LIN28B: variants seen among roughly 807,000 people sequenced by gnomAD.
LIN28B encodes the protein lin-28 RNA binding posttranscriptional regulator B, also known as protein lin-28 homolog B.
LIN28B carries 5 observed loss-of-function variants against 21.9 expected under a neutral mutation model. The ratio of observed to expected loss-of-function variants is 0.23; its 90% CI spans 0.12 to 0.48. The LOEUF is 0.48. Ranked by LOEUF, LIN28B falls within the 20% of genes least tolerant of loss-of-function variation. LIN28B has a pLI of 0.98. For missense variants in LIN28B, 245 were observed against 310.5 expected (o/e 0.79, Z 1.58); for synonymous variants, 109 against 111.3 (o/e 0.98, Z 0.13).
intron 2 of LIN28B, among the ~76,000 whole-genome samples, chr6:104,968,249 T>G (rs554211911): frequency 1.3e-5 from 2 of 152,342 alleles, no homozygotes; most frequent in East Asian, 3.9e-4. Context: ...CTGTGTTGTA[T>G]TCACTTCCTT....
intron 2 of LIN28B, among the ~76,000 whole-genome samples, chr6:104,964,845 C>T (rs1310762320): frequency 1.3e-5 from 2 of 152,094 alleles, no homozygotes; most frequent in Non-Finnish European, 2.9e-5. Flanking sequence ...TTTCCAATAT[C>T]TAAATATTTG....
chr6:105,072,265 TTCA>T (rs1772346467), intron 3 of LIN28B, among the ~76,000 whole-genome samples: 1 of 152,160 alleles, frequency 6.6e-6, no homozygotes, highest in South Asian at 2.1e-4. Flanking sequence ...TCTAAATTTC[TTCA>T]TCAATACAAT....
chr6:104,996,797 A>G (rs893627846), intron 2 of LIN28B, among the ~76,000 whole-genome samples: 2 of 152,134 alleles, frequency 1.3e-5, no homozygotes, highest in African/African-American at 4.8e-5. Flanking sequence ...CTATAAGTCT[A>G]TTTCAAATAA....
At chr6:105,005,070 A>G (rs1770791776) in intron 2 of LIN28B, among the ~76,000 whole-genome samples, 2 of 152,154 alleles carry the variant, frequency 1.3e-5, no homozygotes, top group Admixed American at 6.5e-5. Context: ...TAAAGACTCC[A>G]TTGGTCTGAT....
chr6:105,033,433 TTTAA>T (rs563065248), intron 3 of LIN28B, among the ~76,000 whole-genome samples: 124 of 152,170 alleles, frequency 8.1e-4, no homozygotes, highest in African/African-American at 2.8e-3. Context: ...AAGATTCCAC[TTTAA>T]TTATTAGTAG....
chr6:104,976,393 A>G (rs1249072560), intron 2 of LIN28B, among the ~76,000 whole-genome samples: 1 of 152,202 alleles, frequency 6.6e-6, no homozygotes, highest in Admixed American at 6.5e-5. Context: ...ATAAACAAGG[A>G]AAAGAGCATT....
intron 2 of LIN28B, among the ~76,000 whole-genome samples, chr6:104,948,462 C>T (rs747839667): frequency 5.9e-5 from 9 of 151,744 alleles, no homozygotes; most frequent in Non-Finnish European, 5.9e-5. Context: ...AGCAAAACTC[C>T]GTCTAAAAAA....
intron 2 of LIN28B, among the ~76,000 whole-genome samples, chr6:104,990,422 T>C (rs181734174): frequency 3.9e-5 from 6 of 152,162 alleles, no homozygotes; most frequent in Admixed American, 3.9e-4. Context: ...TGGCTGTCTT[T>C]GGATGAGTGT....
intron 3 of LIN28B, among the ~76,000 whole-genome samples, chr6:105,027,153 T>G (rs1012783619): frequency 2.6e-5 from 4 of 152,084 alleles, no homozygotes; most frequent in African/African-American, 9.7e-5. Flanking sequence ...TTTTGAAAAG[T>G]TGTCTGATTA....
chr6:105,036,075 T>C (rs540290112), intron 3 of LIN28B, among the ~76,000 whole-genome samples: 2 of 152,332 alleles, frequency 1.3e-5, no homozygotes, highest in East Asian at 1.9e-4. Context: ...AAATTTTGTC[T>C]TTCCCCTTTA....
intron 2 of LIN28B, among the ~76,000 whole-genome samples, chr6:104,992,516 T>TGTGTGTGTGTGTG (rs1562084946): frequency 1.3e-4 from 6 of 45,358 alleles, no homozygotes; most frequent in African/African-American, 2.7e-4. Flanking sequence ...GTGTGTGTGT[T>TGTGTGTGTGTGTG]TTTTTTTTAA....
chr6:105,028,829 T>C (rs1030999988), intron 3 of LIN28B, among the ~76,000 whole-genome samples: 2 of 151,968 alleles, frequency 1.3e-5, no homozygotes, highest in African/African-American at 4.8e-5. Flanking sequence ...CAAGAGGAGA[T>C]AAGATCACCA....
rs1300736692 is a variant in LIN28B at position 105,063,610 on chromosome 6, T to C, written c.384-14804T>C. ...GAGATTGCGCCACTGCACTCCAGCC[T>C]GGGCGACAGAGCAAGACTCCATCTC... is the stretch of plus-strand genomic sequence containing the variant. On this transcript the variant is annotated intron_variant, in intron 3 of 3. Coordinates refer to ENST00000345080, the MANE Select transcript of LIN28B (RefSeq NM_001004317.4). Among the ~76,000 whole-genome samples the C allele has an allele frequency of 9.8e-5, 12 of 122,644 alleles. No individual in the cohort carries two copies. In the East Asian group the frequency reaches 3.2e-3, roughly 32 times the overall value. The allele number at this position is 122,644 out of a possible 152,430, so 80.5% of individuals were successfully genotyped here. A position where few individuals can be genotyped will look rare whatever the true frequency, so the allele number is the denominator to read the frequency against.
intron 2 of LIN28B, among the ~76,000 whole-genome samples, chr6:105,024,479 T>C (rs1237784737): frequency 2.0e-5 from 3 of 152,200 alleles, no homozygotes; most frequent in Non-Finnish European, 4.4e-5. Flanking sequence ...TAACTATTTA[T>C]AATTAGTGAA....
intron 3 of LIN28B, chr6:105,058,027 T>C (rs964657258): frequency 5.3e-6 from 2 of 377,450 alleles, no homozygotes; most frequent in Non-Finnish European, 1.0e-5. Flanking sequence ...TCTTTTATGA[T>C]TTTTTTAACC....
intron 2 of LIN28B, among the ~76,000 whole-genome samples, 178 bp from the exon 3 acceptor site, chr6:105,026,120 A>G (rs1024729167): frequency 2.0e-5 from 3 of 152,086 alleles, no homozygotes; most frequent in Non-Finnish European, 4.4e-5. Flanking sequence ...TTTTTCTCCC[A>G]CTGCCAGTAT....
chr6:105,061,282 C>T (rs776955949), intron 3 of LIN28B, among the ~76,000 whole-genome samples: 3 of 152,046 alleles, frequency 2.0e-5, no homozygotes, highest in Non-Finnish European at 4.4e-5. Context: ...AAATGCATGG[C>T]ATCTGCAACA....
chr6:105,063,391 T>G (rs1292532739), intron 3 of LIN28B, among the ~76,000 whole-genome samples: 2 of 152,198 alleles, frequency 1.3e-5, no homozygotes, highest in Non-Finnish European at 2.9e-5. Context: ...GGCAATACTT[T>G]AAGCAAGGCC....
intron 3 of LIN28B, among the ~76,000 whole-genome samples, chr6:105,052,517 A>G (rs1003466158): frequency 2.0e-5 from 3 of 152,152 alleles, no homozygotes; most frequent in Admixed American, 2.0e-4. Context: ...TTTCCAGGAT[A>G]ATAACATTAA....
Sources: gnomAD v4.1 joint callset for allele counts (sites outside exome capture counted in the v4.1 genomes callset) on GRCh38, gnomAD v4.1.1 for gene constraint, MANE v1.5 for transcripts, NCBI Gene and HGNC (gene_info 2026-07-23, HGNC 2026-07-21) for gene names.